ATG10: variants seen among roughly 807,000 people sequenced by gnomAD.
The protein encoded by ATG10 is ubiquitin-like-conjugating enzyme ATG10.
Under a neutral mutation model 32.1 loss-of-function variants are expected in ATG10, and 30 were observed. The observed-to-expected ratio is 0.94, with a 90% CI of 0.70 to 1.27. ATG10 has a LOEUF of 1.27. Ranked by LOEUF, ATG10 falls within the 50% of genes most tolerant of loss-of-function variation. The pLI, the probability that ATG10 is intolerant of heterozygous loss-of-function variation, is 0.00. For missense variants in ATG10, 233 were observed against 262.3 expected (o/e 0.89, Z 0.77); for synonymous variants, 87 against 91.5 (o/e 0.95, Z 0.28).
intron 3 of ATG10, among the ~76,000 whole-genome samples, chr5:82,151,161 A>G (rs1226407112): frequency 6.6e-6 from 1 of 152,246 alleles, no homozygotes; most frequent in Non-Finnish European, 1.5e-5. Flanking sequence ...ATTTATATTT[A>G]CTTTGATTTT....
At chr5:82,188,994 G>A (rs1744558751) in intron 5 of ATG10, among the ~76,000 whole-genome samples, 1 of 152,130 alleles carries the variant, frequency 6.6e-6, no homozygotes, top group Non-Finnish European at 1.5e-5. Context: ...TAGTTAAAAA[G>A]TTGGTCAATA....
chr5:82,225,417 C>T (rs571396919), intron 5 of ATG10, among the ~76,000 whole-genome samples: 1 of 152,300 alleles, frequency 6.6e-6, no homozygotes, highest in South Asian at 2.1e-4. Context: ...AAATTAACCC[C>T]ACCCAGCTGT....
intron 2 of ATG10, among the ~76,000 whole-genome samples, chr5:81,989,941 A>G (rs1761407449): frequency 6.6e-6 from 1 of 152,114 alleles, no homozygotes; most frequent in African/African-American, 2.4e-5. Flanking sequence ...CTGAGTTGAA[A>G]CAACTGTAAT....
intron 3 of ATG10, among the ~76,000 whole-genome samples, chr5:82,115,236 G>A (rs996888631): frequency 6.6e-6 from 1 of 151,966 alleles, no homozygotes; most frequent in Non-Finnish European, 1.5e-5. Flanking sequence ...AAAATGATTG[G>A]GTAGTAAGTG....
At chr5:82,211,908 CT>C (rs1423037288) in intron 5 of ATG10, among the ~76,000 whole-genome samples, 1 of 152,238 alleles carries the variant, frequency 6.6e-6, no homozygotes, top group East Asian at 1.9e-4. Flanking sequence ...CTCTTTCAAA[CT>C]CTTTAATATC....
intron 2 of ATG10, among the ~76,000 whole-genome samples, chr5:82,034,239 A>G (rs994262843): frequency 1.3e-5 from 2 of 152,006 alleles, no homozygotes; most frequent in Non-Finnish European, 2.9e-5. Context: ...TATCTTCCAC[A>G]TACTTCCCTA....
At chr5:82,169,498 G>A (rs1425032464) in intron 4 of ATG10, among the ~76,000 whole-genome samples, 1 of 151,430 alleles carries the variant, frequency 6.6e-6, no homozygotes, top group African/African-American at 2.4e-5. Flanking sequence ...TTGTTGAATA[G>A]GAAGAAAAAT....
At chr5:82,241,052 C>T (rs1398163478) in intron 5 of ATG10, among the ~76,000 whole-genome samples, 10 of 152,072 alleles carry the variant, frequency 6.6e-5, no homozygotes, top group Non-Finnish European at 5.9e-5. Flanking sequence ...AGATCAATAT[C>T]CCAAAAGATG....
intron 2 of ATG10, among the ~76,000 whole-genome samples, chr5:82,038,084 C>T (rs1238847442): frequency 6.6e-6 from 1 of 152,126 alleles, no homozygotes; most frequent in Non-Finnish European, 1.5e-5. Flanking sequence ...ATTGTCTTAG[C>T]CTGAGTTTCC....
intron 5 of ATG10, among the ~76,000 whole-genome samples, chr5:82,231,782 G>T (rs1425691184): frequency 6.6e-6 from 1 of 152,104 alleles, no homozygotes; most frequent in Admixed American, 6.6e-5. Context: ...GGTATAAAAG[G>T]AATCCTTATA....
At chr5:82,149,938 T>G (rs1270129494) in intron 3 of ATG10, among the ~76,000 whole-genome samples, 1 of 152,178 alleles carries the variant, frequency 6.6e-6, no homozygotes, top group Non-Finnish European at 1.5e-5. Context: ...CTGTAAATGA[T>G]TTTATGTTCA....
At chr5:82,187,813 C>T (rs1222887942) in intron 5 of ATG10, among the ~76,000 whole-genome samples, 1 of 152,082 alleles carries the variant, frequency 6.6e-6, no homozygotes, top group African/African-American at 2.4e-5. Flanking sequence ...GTCTCGAACT[C>T]CTGACTTCAG....
chr5:82,058,616 T>C lies in ATG10; in HGVS notation c.216+14T>C, dbSNP rs1357749577. The C allele has an allele frequency of 2.6e-6, 4 of 1,530,504 alleles. No homozygotes were observed. In the East Asian group the frequency reaches 9.1e-5, roughly 35 times the overall value. 94.8% of individuals were successfully genotyped at this position (1,530,504 alleles called of 1,614,324 possible). The stretch of plus-strand genomic sequence containing the variant: ...CTTCCCATGGAGGTGAGTAGTTTAA[T>C]GCATCATGTTCTTTTCAGTCTCCGT... On this transcript the variant is annotated intron_variant, in intron 3 of 7. Transcript: ENST00000282185.
At chr5:81,974,995 C>T (rs988267338) in intron 1 of ATG10, among the ~76,000 whole-genome samples, 1 of 152,164 alleles carries the variant, frequency 6.6e-6, no homozygotes, top group African/African-American at 2.4e-5. Context: ...AGGGCCCAGG[C>T]TCTGGTTCCA....
rs866988628 is a variant in ATG10, at chr5:82,015,585, C to A, written c.108+27907C>A. On this transcript the variant is annotated intron_variant, in intron 2 of 7. Coordinates refer to ENST00000282185, the MANE Select transcript of ATG10 (RefSeq NM_031482.5). ...GCTTCAATTCATTCATTTGATCTTC[C>A]ATCACTGATACCCTTTCTTCCAGTT... is the stretch of plus-strand genomic sequence containing the variant. Among the ~76,000 whole-genome samples, 9 of 152,112 alleles carry A rather than the reference C, an allele frequency of 5.9e-5. No individual in the cohort carries two copies. In the South Asian group the frequency reaches 6.2e-4, roughly 11 times the overall value.
At chr5:82,066,516 CT>C (rs1763946229) in intron 3 of ATG10, among the ~76,000 whole-genome samples, 1 of 152,118 alleles carries the variant, frequency 6.6e-6, no homozygotes, top group Non-Finnish European at 1.5e-5. Context: ...AGATTTTTGT[CT>C]TAGGGCCTTG....
chr5:82,003,415 G>A (rs1233896774), intron 2 of ATG10, among the ~76,000 whole-genome samples: 4 of 152,158 alleles, frequency 2.6e-5, no homozygotes, highest in African/African-American at 9.7e-5. Flanking sequence ...CCAGGTCTGA[G>A]GGAAGAAGTG....
chr5:82,236,780 G>A (rs1746570835), intron 5 of ATG10, among the ~76,000 whole-genome samples: 1 of 152,296 alleles, frequency 6.6e-6, no homozygotes, highest in South Asian at 2.1e-4. Flanking sequence ...GGCCAAAAAT[G>A]TCAACAGGGG....
At chr5:81,974,773 T>G (rs1760822070) in intron 1 of ATG10, among the ~76,000 whole-genome samples, 1 of 152,152 alleles carries the variant, frequency 6.6e-6, no homozygotes, top group African/African-American at 2.4e-5. Flanking sequence ...GAGCTATGTC[T>G]CCAAGCTTCC....
Sources: allele counts gnomAD v4.1 joint callset (sites outside exome capture counted in the v4.1 genomes callset), GRCh38; gene constraint gnomAD v4.1.1; transcripts MANE v1.5; gene names NCBI Gene and HGNC (gene_info 2026-07-23, HGNC 2026-07-21).